Variants in BRAF observed in about 807,000 individuals in gnomAD.
BRAF encodes the protein B-Raf proto-oncogene, serine/threonine kinase.
Under a neutral mutation model 104.6 loss-of-function variants are expected in BRAF, and 16 were observed. The ratio of observed to expected loss-of-function variants is 0.15; its 90% confidence interval spans 0.10 to 0.23. The LOEUF (loss-of-function observed/expected upper bound fraction) is 0.23. Ranked by LOEUF, BRAF falls within the 10% of genes least tolerant of loss-of-function variation. The pLI is 1.00. For missense variants in BRAF, 541 were observed against 937.3 expected (o/e 0.58, Z 5.52); for synonymous variants, 310 against 341.6 (o/e 0.91, Z 1.02).
rs1171401759 is a variant in BRAF, at chr7:140,776,837, A to G, written c.1814+75T>C. 2.8e-6 allele frequency: 4 copies of G among 1,414,768 alleles called. No homozygotes were observed. In the East Asian group the frequency reaches 9.1e-5, roughly 32 times the overall value. 87.6% of individuals were successfully genotyped at this position (1,414,768 alleles called of 1,614,324 possible). Reference sequence around the variant, plus strand: ...AATTTAAAATGCAATCCAAAAGAATAGCAGCCAAAACCTTTAAAACATCCT... The same window carrying G: ...AATTTAAAATGCAATCCAAAAGAATGGCAGCCAAAACCTTTAAAACATCCT... On this transcript the variant is annotated intron_variant, in intron 14 of 19. Transcript: ENST00000644969.
Position 140,723,948 on chromosome 7 carries a change from T to C in BRAF, c.*2546A>G. ...ATAAAACCTATTTTCATGTCATTTG[T>C]AAACTAGAGAAAAAACCTATTTCAT... is the stretch of plus-strand genomic sequence containing the variant. On this transcript the variant is annotated 3_prime_UTR_variant, in exon 20 of 20. Coordinates refer to ENST00000644969, the MANE Select transcript of BRAF (RefSeq NM_001374258.1). The C allele has an allele frequency of 9.6e-7, 1 of 1,041,632 alleles. No individual in the cohort carries two copies. Among genetic ancestry groups the C allele is most frequent in the Non-Finnish European group, 1.2e-6 (1 of 864,054 alleles). 64.5% of individuals were successfully genotyped at this position (1,041,632 alleles called of 1,614,324 possible). A position where few individuals can be genotyped will look rare whatever the true frequency, so the allele number is the denominator to read the frequency against.
At chr7:140,822,996 A>T (rs1033326632) in intron 3 of BRAF, among the ~76,000 whole-genome samples, 7 of 152,000 alleles carry the variant, frequency 4.6e-5, no homozygotes, top group Non-Finnish European at 5.9e-5. Flanking sequence ...CTAATTAAAA[A>T]TTTTTTTTGT....
chr7:140,722,000 T>C lies in BRAF; in HGVS notation c.*4494A>G, dbSNP rs980404619. 1.2e-5 allele frequency: 14 copies of C among 1,171,284 alleles called. No homozygotes were observed. The African/African-American group carries it at 1.4e-4, about 12-fold the overall frequency. 72.6% of individuals were successfully genotyped at this position (1,171,284 alleles called of 1,614,324 possible). ...AACCAAATTCGGTCCTATATTTCAATTTCCCCTTCTAAGTTAATACATGAT... is the reference window on the plus strand; with the variant it reads ...AACCAAATTCGGTCCTATATTTCAACTTCCCCTTCTAAGTTAATACATGAT... On this transcript the variant is annotated 3_prime_UTR_variant, in exon 20 of 20. Transcript: ENST00000644969.
intron 1 of BRAF, among the ~76,000 whole-genome samples, chr7:140,918,780 T>C (rs1275051235): frequency 1.3e-5 from 2 of 152,228 alleles, no homozygotes; most frequent in Non-Finnish European, 1.5e-5. Context: ...GGTACTATTA[T>C]AGATGAAGAT....
chr7:140,823,535 T>C (rs961583708), intron 3 of BRAF: 2 of 152,262 alleles, frequency 1.3e-5, no homozygotes, highest in Admixed American at 1.3e-4. Flanking sequence ...ATACATACCA[T>C]ATTTTGTTCA....
At chr7:140,738,705 C>T (rs1206334154) in intron 18 of BRAF, among the ~76,000 whole-genome samples, 1 of 152,174 alleles carries the variant, frequency 6.6e-6, no homozygotes, top group Non-Finnish European at 1.5e-5. Context: ...CAATCTCCAC[C>T]TCCTGGGTTC....
chr7:140,840,267 G>C (rs1807795277), intron 2 of BRAF, among the ~76,000 whole-genome samples: 1 of 152,100 alleles, frequency 6.6e-6, no homozygotes, highest in Admixed American at 6.5e-5. Flanking sequence ...AAATCATCCT[G>C]ACCTTTGATT....
chr7:140,917,395 T>C (rs1283920630), intron 1 of BRAF, among the ~76,000 whole-genome samples: 1 of 152,198 alleles, frequency 6.6e-6, no homozygotes, highest in African/African-American at 2.4e-5. Flanking sequence ...TCCATTTATA[T>C]GACTTTCTGG....
chr7:140,741,588 A>G (rs1392540623), intron 17 of BRAF: 1 of 152,136 alleles, frequency 6.6e-6, no homozygotes, highest in Admixed American at 6.5e-5. Flanking sequence ...TGTGATATGT[A>G]TCTTATCTAA....
intron 1 of BRAF, among the ~76,000 whole-genome samples, chr7:140,899,106 AT>A (rs1208384706): frequency 6.6e-6 from 1 of 152,150 alleles, no homozygotes; most frequent in Non-Finnish European, 1.5e-5. Flanking sequence ...AATCTTATAT[AT>A]ATGCTTCCTA....
intron 18 of BRAF, among the ~76,000 whole-genome samples, chr7:140,736,678 C>T (rs928942340): frequency 2.7e-5 from 4 of 149,964 alleles, no homozygotes; most frequent in Non-Finnish European, 4.5e-5. Context: ...CCGCCTGCCT[C>T]GGCCTCCCAA....
intron 1 of BRAF, among the ~76,000 whole-genome samples, chr7:140,866,179 T>C (rs567037205): frequency 1.6e-3 from 240 of 152,324 alleles, no homozygotes; most frequent in African/African-American, 5.3e-3. Context: ...TGTGAAACAA[T>C]AGATGTAGTG....
intron 8 of BRAF, among the ~76,000 whole-genome samples, chr7:140,788,839 T>C (rs1005791024): frequency 2.6e-5 from 4 of 151,616 alleles, no homozygotes; most frequent in Non-Finnish European, 5.9e-5. Context: ...TCCGTCCACC[T>C]CAGCCTCCCA....
intron 8 of BRAF, among the ~76,000 whole-genome samples, chr7:140,791,674 A>G (rs1801984116): frequency 6.6e-6 from 1 of 152,212 alleles, no homozygotes; most frequent in African/African-American, 2.4e-5. Flanking sequence ...TCCCACAGGC[A>G]TCTTAAAGTC....
chr7:140,845,579 A>G (rs1043663474), intron 2 of BRAF, among the ~76,000 whole-genome samples: 4 of 152,230 alleles, frequency 2.6e-5, no homozygotes, highest in Non-Finnish European at 4.4e-5. Context: ...CAATAAGCAC[A>G]TAATAAAAGG....
At chr7:140,900,735 C>T (rs1389339369) in intron 1 of BRAF, among the ~76,000 whole-genome samples, 1 of 152,108 alleles carries the variant, frequency 6.6e-6, no homozygotes, top group Non-Finnish European at 1.5e-5. Context: ...CTCAACCTCC[C>T]GAGTACCTGG....
intron 15 of BRAF, 106 bp downstream of exon 14, chr7:140,754,079 GTA>G (rs1184882470): frequency 8.9e-7 from 1 of 1,122,248 alleles, no homozygotes; most frequent in African/African-American, 1.5e-5. Flanking sequence ...TCTCTTTACA[GTA>G]TATCGAACTT....
At chr7:140,781,351 T>C in intron 12 of BRAF, 2 of 545,308 alleles carry the variant, frequency 3.7e-6, no homozygotes, top group Non-Finnish European at 6.5e-6. Context: ...GAATTCCCCT[T>C]TAAAAATTAT....
At chr7:140,822,753 C>A (rs10234502) in intron 3 of BRAF, among the ~76,000 whole-genome samples, 2 of 152,060 alleles carry the variant, frequency 1.3e-5, no homozygotes, top group Non-Finnish European at 2.9e-5. Context: ...AATCTTTCTA[C>A]GAACATATGC....
Sources: gnomAD v4.1 joint callset for allele counts (sites outside exome capture counted in the v4.1 genomes callset) on GRCh38, gnomAD v4.1.1 for gene constraint, MANE v1.5 for transcripts, NCBI Gene and HGNC (gene_info 2026-07-23, HGNC 2026-07-21) for gene names.